The following NRXN1 variants were observed in gnomAD, a reference collection of about 807,000 sequenced individuals.
NRXN1 encodes the protein neurexin 1.
NRXN1 carries 39 observed loss-of-function variants against 150.9 expected under a neutral mutation model. That is an observed-to-expected ratio of 0.26 (90% CI 0.20 to 0.34). NRXN1 has a LOEUF of 0.34. Among genes scored for constraint, NRXN1 ranks in the 10% least tolerant of loss-of-function variants. The pLI is 1.00. For synonymous variants in NRXN1, 924 were observed against 757.0 expected (o/e 1.22, Z -3.62); for missense variants, 1,815 against 1,949.9 (o/e 0.93, Z 1.30).
intron 21 of NRXN1, among the ~76,000 whole-genome samples, chr2:49,956,635 G>C (rs1426701396): frequency 6.6e-6 from 1 of 152,118 alleles, no homozygotes; most frequent in Non-Finnish European, 1.5e-5. Context: ...ACATACCGTA[G>C]CACCTTAGGT....
chr2:50,477,235 C>T (rs980411077), intron 15 of NRXN1, among the ~76,000 whole-genome samples: 3 of 152,008 alleles, frequency 2.0e-5, no homozygotes. Flanking sequence ...CACCATAGAA[C>T]TTATGACTGC....
At chr2:50,007,155 T>A (rs1390451453) in intron 21 of NRXN1, among the ~76,000 whole-genome samples, 1 of 151,902 alleles carries the variant, frequency 6.6e-6, no homozygotes, top group Non-Finnish European at 1.5e-5. Flanking sequence ...CCAGCCTGGA[T>A]AACAAAGCGA....
chr2:50,471,849 T>C (rs2089499356), intron 16 of NRXN1, among the ~76,000 whole-genome samples: 1 of 151,670 alleles, frequency 6.6e-6, no homozygotes, highest in Non-Finnish European at 1.5e-5. Context: ...TTGACCTACA[T>C]AACAAACTTG....
intron 5 of NRXN1, among the ~76,000 whole-genome samples, chr2:50,791,629 G>A (rs1435767782): frequency 1.3e-5 from 2 of 152,138 alleles, no homozygotes; most frequent in African/African-American, 2.4e-5. Flanking sequence ...GTAATGAGTT[G>A]AATTCTTATC....
chr2:50,466,086 TG>T (rs1273319777), intron 16 of NRXN1, among the ~76,000 whole-genome samples: 1 of 32,832 alleles, frequency 3.0e-5, no homozygotes, highest in Non-Finnish European at 1.1e-4. Flanking sequence ...TCAATTCACA[TG>T]CTTTTAACAA....
At chr2:50,824,954 G>A (rs948513962) in intron 5 of NRXN1, among the ~76,000 whole-genome samples, 19 of 152,156 alleles carry the variant, frequency 1.2e-4, no homozygotes, top group Non-Finnish European at 4.4e-5. Context: ...CTTGGAGACC[G>A]GAATTCTCCT....
chr2:50,389,814 G>T (rs141906530), intron 17 of NRXN1, among the ~76,000 whole-genome samples: 1 of 152,052 alleles, frequency 6.6e-6, no homozygotes, highest in African/African-American at 2.4e-5. Context: ...TATACATATC[G>T]TTAAAAAAGC....
intron 18 of NRXN1, among the ~76,000 whole-genome samples, chr2:50,231,955 T>C (rs1236063138): frequency 6.6e-6 from 1 of 152,164 alleles, no homozygotes; most frequent in African/African-American, 2.4e-5. Flanking sequence ...ACATCGTAAC[T>C]TAAACATGTC....
intron 5 of NRXN1, among the ~76,000 whole-genome samples, chr2:50,786,173 A>G (rs1166540658): frequency 6.6e-6 from 1 of 152,156 alleles, no homozygotes; most frequent in Admixed American, 6.6e-5. Flanking sequence ...TATATAAAAT[A>G]TGAATATTTT....
At chr2:50,996,962 G>A (rs571175611) in intron 2 of NRXN1, among the ~76,000 whole-genome samples, 7 of 151,994 alleles carry the variant, frequency 4.6e-5, no homozygotes, top group East Asian at 2.0e-4. Flanking sequence ...ATTGTTTGAC[G>A]CCATAGGTTT....
At chr2:50,398,375 AG>A (rs2082178269) in intron 17 of NRXN1, among the ~76,000 whole-genome samples, 1 of 152,154 alleles carries the variant, frequency 6.6e-6, no homozygotes, top group African/African-American at 2.4e-5. Context: ...GTAACTAAAA[AG>A]GGTATACTAT....
At chr2:50,962,564 A>C (rs997127117) in intron 2 of NRXN1, among the ~76,000 whole-genome samples, 2 of 151,390 alleles carry the variant, frequency 1.3e-5, no homozygotes, top group Non-Finnish European at 3.0e-5. Context: ...TCCCAAAGTA[A>C]CTATGTTCAA....
chr2:50,186,677 C>G (rs149767020), intron 18 of NRXN1, among the ~76,000 whole-genome samples: 1 of 152,090 alleles, frequency 6.6e-6, no homozygotes, highest in South Asian at 2.1e-4. Flanking sequence ...ATCATGTATG[C>G]TTTACTCAAA....
At chr2:50,342,729 A>T (rs547600865) in intron 17 of NRXN1, among the ~76,000 whole-genome samples, 1 of 152,334 alleles carries the variant, frequency 6.6e-6, no homozygotes, top group East Asian at 1.9e-4. Context: ...TTCTTAAGAG[A>T]TCAACCATTA....
chr2:50,428,183 G>A (rs1200566802), intron 17 of NRXN1, among the ~76,000 whole-genome samples: 1 of 152,150 alleles, frequency 6.6e-6, no homozygotes, highest in Non-Finnish European at 1.5e-5. Context: ...GGAGGCTGAG[G>A]AGAGAGAATC....
chr2:50,714,946 A>T (rs1695675419), intron 5 of NRXN1, among the ~76,000 whole-genome samples: 1 of 152,150 alleles, frequency 6.6e-6, no homozygotes, highest in African/African-American at 2.4e-5. Context: ...GAAAAAGTTA[A>T]AAGTGCTATT....
chr2:50,898,653 C>A, intron 5 of NRXN1: 2 of 420,782 alleles, frequency 4.8e-6, no homozygotes, highest in Non-Finnish European at 4.7e-6. Flanking sequence ...TCTAAATTCC[C>A]ACATTTCAAA....
intron 17 of NRXN1, among the ~76,000 whole-genome samples, chr2:50,362,302 T>A (rs1572684123): frequency 6.6e-6 from 1 of 152,082 alleles, no homozygotes; most frequent in Non-Finnish European, 1.5e-5. Flanking sequence ...AAATAGGAAG[T>A]CAAATTGGCT....
intron 16 of NRXN1, among the ~76,000 whole-genome samples, chr2:50,471,223 A>C (rs2089425737): frequency 6.6e-6 from 1 of 151,814 alleles, no homozygotes; most frequent in African/African-American, 2.4e-5. Flanking sequence ...CGTTGTACCC[A>C]ATAGGTGTTT....
Sources: allele counts gnomAD v4.1 joint callset (sites outside exome capture counted in the v4.1 genomes callset), GRCh38; gene constraint gnomAD v4.1.1; transcripts MANE v1.5; gene names NCBI Gene and HGNC (gene_info 2026-07-23, HGNC 2026-07-21).